The following AGO2 variants were observed in gnomAD, a reference collection of about 807,000 sequenced individuals.
AGO2 encodes argonaute RISC catalytic component 2.
Under a neutral mutation model 102.3 loss-of-function variants are expected in AGO2, and 5 were observed. That is an observed-to-expected ratio of 0.05 (90% CI 0.03 to 0.10). The LOEUF (loss-of-function observed/expected upper bound fraction) is 0.10, where lower values mean the gene tolerates loss of function less well. Among genes scored for constraint, AGO2 ranks in the 10% least tolerant of loss-of-function variants. The pLI, the probability that AGO2 is intolerant of heterozygous loss-of-function variation, is 1.00. For synonymous variants in AGO2, 449 were observed against 473.1 expected (o/e 0.95, Z 0.66); for missense variants, 541 against 1,183.7 (o/e 0.46, Z 7.97).
chr8:140,615,737 C>T (rs2074134178), intron 1 of AGO2, among the ~76,000 whole-genome samples: 1 of 152,272 alleles, frequency 6.6e-6, no homozygotes, highest in South Asian at 2.1e-4. Context: ...TTGCTCATGC[C>T]TGTGGCAGCT....
chr8:140,621,582 T>A (rs958560835), intron 1 of AGO2, among the ~76,000 whole-genome samples: 1 of 152,186 alleles, frequency 6.6e-6, no homozygotes, highest in Non-Finnish European at 1.5e-5. Context: ...TTCGGCCTTG[T>A]TCAATGATGT....
intron 3 of AGO2, chr8:140,572,604 C>G (rs966963309): frequency 3.4e-6 from 2 of 590,108 alleles, no homozygotes; most frequent in Admixed American, 3.9e-5. Flanking sequence ...GTGTCTGGAC[C>G]TAGACAAGTT....
chr8:140,600,153 T>C (rs1043784088), intron 1 of AGO2, among the ~76,000 whole-genome samples: 1 of 152,272 alleles, frequency 6.6e-6, no homozygotes, highest in African/African-American at 2.4e-5. Context: ...TGAACCACAA[T>C]GCATTCCTAT....
intron 4 of AGO2, 40 bp from the exon 5 acceptor site, chr8:140,560,550 G>C (rs1414736881): frequency 1.9e-6 from 3 of 1,590,006 alleles, no homozygotes; most frequent in East Asian, 4.5e-5. Context: ...CGTCAGATGT[G>C]TCTTCCGGAA....
intron 1 of AGO2, among the ~76,000 whole-genome samples, chr8:140,597,465 G>GCCCCCCCCCCCCCCCCCCCCC (rs1564108147): frequency 2.5e-5 from 2 of 79,290 alleles, no homozygotes; most frequent in Admixed American, 1.3e-4. Flanking sequence ...GGGGCTGGGT[G>GCCCCCCCCCCCCCCCCCCCCC]GCCCCCCCAC....
intron 10 of AGO2, among the ~76,000 whole-genome samples, chr8:140,553,098 C>T (rs1180962834): frequency 1.3e-5 from 2 of 152,212 alleles, no homozygotes; most frequent in East Asian, 3.8e-4. Flanking sequence ...CATGTATTAA[C>T]AGAAGCATTA....
intron 1 of AGO2, among the ~76,000 whole-genome samples, chr8:140,620,198 G>A (rs1255520067): frequency 6.6e-6 from 1 of 152,196 alleles, no homozygotes; most frequent in Non-Finnish European, 1.5e-5. Context: ...CTGGGTGGGA[G>A]GGGGCTCCAG....
chr8:140,532,765 G>A (rs1466289890), intron 17 of AGO2, 150 bp from the exon 18 acceptor site: 1 of 819,764 alleles, frequency 1.2e-6, no homozygotes, highest in African/African-American at 1.7e-5. Context: ...GGGAGGCCAA[G>A]GCGGGCAGAT....
At chr8:140,624,981 G>A (rs1563657046) in intron 1 of AGO2, among the ~76,000 whole-genome samples, 2 of 152,122 alleles carry the variant, frequency 1.3e-5, no homozygotes, top group African/African-American at 2.4e-5. Flanking sequence ...CCTCCACTGG[G>A]ACCATCCCAG....
chr8:140,569,085 G>A (rs1204586254), intron 3 of AGO2, among the ~76,000 whole-genome samples: 1 of 152,192 alleles, frequency 6.6e-6, no homozygotes. Context: ...GGGAGCCCTT[G>A]GCCTCCCTTG....
Position 140,572,953 on chromosome 8 carries a change from G to T in AGO2, c.216-21C>A, listed in dbSNP as rs182770672. 2 of 1,586,916 alleles carry T rather than the reference G, an allele frequency of 1.3e-6. 1 individual carries two copies. Among genetic ancestry groups the T allele is most frequent in the Admixed American group, 3.6e-5 (2 of 55,042 alleles). ...TTTCCCTGAAACAAAGACAAAAGTC[G>T]GGCAAAATGTCAATAAAATGGAGAA... On this transcript the variant is annotated intron_variant, in intron 2 of 18. Transcript: ENST00000220592.
At chr8:140,559,344 C>G in intron 6 of AGO2, 51 bp downstream of exon 6, 2 of 1,598,716 alleles carry the variant, frequency 1.3e-6, no homozygotes, top group South Asian at 1.1e-5. Context: ...GGAGGCGGAC[C>G]GGGAAGGGGC....
rs181690201 is a variant in AGO2 at position 140,580,317 on chromosome 8, T to C, written c.215+4802A>G. Among the ~76,000 whole-genome samples, 33 of 152,364 alleles carry C rather than the reference T, an allele frequency of 2.2e-4. 1 individual carries two copies. Among genetic ancestry groups the C allele is most frequent in the African/African-American group, 7.2e-4 (30 of 41,598 alleles). ...CAGAATGTCACAGAGGTAACTGAGG[T>C]GCAAGGGCATTTTTCTCATGGCCTT... On this transcript the variant is annotated intron_variant, in intron 2 of 18. Coordinates refer to ENST00000220592, the MANE Select transcript of AGO2 (RefSeq NM_012154.5).
At chr8:140,551,009 C>T (rs542824919) in intron 11 of AGO2, among the ~76,000 whole-genome samples, 3 of 152,262 alleles carry the variant, frequency 2.0e-5, no homozygotes, top group Non-Finnish European at 1.5e-5. Flanking sequence ...CTCTTTTGCC[C>T]CTACTTATAA....
intron 11 of AGO2, among the ~76,000 whole-genome samples, chr8:140,550,301 C>T (rs1333270828): frequency 6.6e-6 from 1 of 152,244 alleles, no homozygotes; most frequent in African/African-American, 2.4e-5. Context: ...CTGGAGTTCT[C>T]CCCTGCTGCC....
intron 1 of AGO2, among the ~76,000 whole-genome samples, chr8:140,628,007 G>A (rs1026221621): frequency 4.6e-5 from 7 of 152,136 alleles, no homozygotes; most frequent in Admixed American, 3.3e-4. Context: ...GGAGCTGCTC[G>A]AGGGCTTCTA....
chr8:140,550,032 C>T (rs1344195871), intron 11 of AGO2, among the ~76,000 whole-genome samples: 2 of 152,236 alleles, frequency 1.3e-5, no homozygotes, highest in Non-Finnish European at 2.9e-5. Flanking sequence ...CCCATATCTT[C>T]AGCTCCAGGC....
intron 1 of AGO2, among the ~76,000 whole-genome samples, chr8:140,615,132 TC>T (rs2074124477): frequency 1.3e-5 from 2 of 152,164 alleles, no homozygotes; most frequent in African/African-American, 4.8e-5. Context: ...ATGTCTGTAA[TC>T]CCGGCACTTT....
At chr8:140,580,256 C>T (rs7828287) in intron 2 of AGO2, among the ~76,000 whole-genome samples, 3,245 of 152,340 alleles carry the variant, frequency 0.021, 56 homozygotes, top group Non-Finnish European at 0.034. Flanking sequence ...TACTGCAGGG[C>T]CTGAGGGCAC....
Sources: allele counts gnomAD v4.1 joint callset (sites outside exome capture counted in the v4.1 genomes callset), GRCh38; gene constraint gnomAD v4.1.1; transcripts MANE v1.5; gene names NCBI Gene and HGNC (gene_info 2026-07-23, HGNC 2026-07-21).